The following NCKAP5 variants were observed in gnomAD, a reference collection of about 807,000 sequenced individuals.
The protein encoded by NCKAP5 is nck-associated protein 5.
NCKAP5 carries 92 observed loss-of-function variants against 167.0 expected under a neutral mutation model. The observed-to-expected ratio is 0.55, with a 90% CI of 0.47 to 0.66. The LOEUF (loss-of-function observed/expected upper bound fraction) is 0.66, where lower values mean the gene tolerates loss of function less well. Ranked by LOEUF, NCKAP5 falls within the 30% of genes least tolerant of loss-of-function variation. The pLI is 0.00. For missense variants in NCKAP5, 2,378 were observed against 2,315.0 expected (o/e 1.03, Z -0.56); for synonymous variants, 891 against 877.4 (o/e 1.02, Z -0.27).
intron 6 of NCKAP5, among the ~76,000 whole-genome samples, chr2:133,124,412 A>C (rs1312388707): frequency 6.6e-6 from 1 of 151,310 alleles, no homozygotes; most frequent in Non-Finnish European, 1.5e-5. Flanking sequence ...TATGTCCGCC[A>C]GGTGCTAAAT....
At position 132,895,167 on chromosome 2, in the gene NCKAP5, T is replaced by TA. The variant is rs375358162; in HGVS notation, c.580-16252dup. 6.1e-3 allele frequency among the ~76,000 whole-genome samples: 921 copies of TA among 151,618 alleles called. 63 individuals are homozygous for TA. In the East Asian group the frequency reaches 0.15, roughly 25 times the overall value. On this transcript the variant is annotated intron_variant, in intron 8 of 19. Coordinates refer to ENST00000409261, the MANE Select transcript of NCKAP5 (RefSeq NM_207363.3). ...TAACACGGTGAAACCCCGTCTCTAC[T>TA]AAAAATACAAAAAATTAGCCGGGCG... is the stretch of plus-strand genomic sequence containing the variant.
the NCKAP5 span, among the ~76,000 whole-genome samples, chr2:133,639,517 C>T: frequency 6.6e-6 from 1 of 152,124 alleles, no homozygotes; most frequent in African/African-American, 2.4e-5. Flanking sequence ...AGGTTTTAGG[C>T]AGCTTATGAT....
chr2:132,704,140 C>G (rs186700551), intron 19 of NCKAP5, among the ~76,000 whole-genome samples: 1 of 152,206 alleles, frequency 6.6e-6, no homozygotes, highest in Non-Finnish European at 1.5e-5. Context: ...GTAGTTCTAA[C>G]TGAAATTTGA....
intron 3 of NCKAP5, among the ~76,000 whole-genome samples, chr2:133,430,440 C>A (rs1690085292): frequency 1.3e-5 from 2 of 152,068 alleles, no homozygotes; most frequent in African/African-American, 4.8e-5. Flanking sequence ...ATCATAAATT[C>A]TTTGCCTAAG....
At chr2:133,493,948 G>A (rs1284668525) in intron 3 of NCKAP5, among the ~76,000 whole-genome samples, 1 of 152,180 alleles carries the variant, frequency 6.6e-6, no homozygotes, top group Non-Finnish European at 1.5e-5. Context: ...GAGGAAATTA[G>A]GCAAAGGGAG....
Position 133,200,715 on chromosome 2 carries a change from G to A in NCKAP5, c.207+13001C>T, listed in dbSNP as rs762417795. Among the ~76,000 whole-genome samples, 68 of 152,152 alleles carry A rather than the reference G, an allele frequency of 4.5e-4. 2 individuals carry two copies. The highest frequency in any genetic ancestry group is 6.3e-3 in the Middle Eastern group (2 of 316). The stretch of plus-strand genomic sequence containing the variant: ...AGAACATATTTGCCAATCATTTCTC[G>A]TAACAGACTGATACGTTTACAAAAA... On this transcript the variant is annotated intron_variant, in intron 5 of 19. Transcript: ENST00000409261.
rs1449836119 is a variant in NCKAP5 at position 132,783,735 on chromosome 2, A to T, written c.3076T>A (p.Ser1026Thr). Residue 1026 changes from serine to threonine, a missense_variant, in exon 14 of 20, where the codon TCC (serine) becomes ACC (threonine). Around this residue, in one of 3 missense-constraint regions of NCKAP5, gnomAD observed 1,325 missense variants for 1,274.5 expected, o/e 1.04. Coordinates refer to ENST00000409261, the MANE Select transcript of NCKAP5 (RefSeq NM_207363.3). ...IQTRCPAHAPSSSFTVMALGP... is the reference protein window; with the variant it reads ...IQTRCPAHAPTSSFTVMALGP... ...AGAGCCATTACGGTGAAGGAGCTGG[A>T]GGGGGCATGAGCAGGGCATCGGGTT... 6.2e-7 allele frequency: 1 copy of T among 1,608,750 alleles called. No homozygotes were observed. Among genetic ancestry groups the T allele is most frequent in the Non-Finnish European group, 8.5e-7 (1 of 1,177,580 alleles).
intron 4 of NCKAP5, among the ~76,000 whole-genome samples, chr2:133,290,546 T>C (rs1679505848): frequency 6.6e-6 from 1 of 152,182 alleles, no homozygotes; most frequent in African/African-American, 2.4e-5. Flanking sequence ...CACTTTATGA[T>C]TAAACATTTC....
chr2:133,527,914 A>T (rs1401557033), intron 2 of NCKAP5, among the ~76,000 whole-genome samples: 1 of 152,066 alleles, frequency 6.6e-6, no homozygotes, highest in Non-Finnish European at 1.5e-5. Context: ...AAAAATAAAA[A>T]ACTAGCCAGA....
Position 133,472,375 on chromosome 2 carries a change from T to A in NCKAP5, c.69+45083A>T, listed in dbSNP as rs188152739. The stretch of plus-strand genomic sequence containing the variant: ...CAAGAGCATCTTATGCTTCTAGACA[T>A]TACTGTGGCTTTAGATGCTTTTCAT... On this transcript the variant is annotated intron_variant, in intron 3 of 19. Transcript: ENST00000409261. Among the ~76,000 whole-genome samples the A allele has an allele frequency of 1.4e-4, 21 of 152,278 alleles. No individual in the cohort carries two copies. In the East Asian group the frequency reaches 4.0e-3, roughly 29 times the overall value.
Position 133,188,810 on chromosome 2 carries a change from T to C in NCKAP5, c.207+24906A>G, listed in dbSNP as rs2085071345. On this transcript the variant is annotated intron_variant, in intron 5 of 19. Transcript: ENST00000409261. ...GTGTGTAGAGGGAAATTTATAGCACTAAATGCCCACAAGAGAAAGCAGGAA... is the reference window on the plus strand; with the variant it reads ...GTGTGTAGAGGGAAATTTATAGCACCAAATGCCCACAAGAGAAAGCAGGAA... Among the ~76,000 whole-genome samples, 3 of 152,172 alleles carry C rather than the reference T, an allele frequency of 2.0e-5. No homozygotes were observed. In the East Asian group the frequency reaches 5.8e-4, roughly 29 times the overall value.
intron 11 of NCKAP5, among the ~76,000 whole-genome samples, chr2:132,806,402 G>A (rs2105234746): frequency 6.6e-6 from 1 of 152,192 alleles, no homozygotes; most frequent in Non-Finnish European, 1.5e-5. Flanking sequence ...CAGTGTAGAA[G>A]TGTTCCCTGT....
At chr2:133,666,311 C>G in the NCKAP5 span, among the ~76,000 whole-genome samples, 1 of 151,168 alleles carries the variant, frequency 6.6e-6, no homozygotes, top group East Asian at 1.9e-4. Flanking sequence ...GATTCTCCTG[C>G]CTCAGCCTCT....
intron 3 of NCKAP5, among the ~76,000 whole-genome samples, chr2:133,359,998 G>C (rs1684990265): frequency 6.6e-6 from 1 of 152,130 alleles, no homozygotes; most frequent in Admixed American, 6.5e-5. Context: ...TTGAACAACA[G>C]AAGGTAAATA....
chr2:132,969,705 C>A (rs2149229396), intron 7 of NCKAP5, among the ~76,000 whole-genome samples: 1 of 152,212 alleles, frequency 6.6e-6, no homozygotes, highest in Non-Finnish European at 1.5e-5. Flanking sequence ...TTTGAATGGT[C>A]CTGGGGTGCA....
rs1685301711 is a variant in NCKAP5, at chr2:133,530,834, A to C, written c.-61-13247T>G. Reference sequence around the variant, plus strand: ...TGAGAAGAAGCCCAGTCTAGCCCACAAGAGGGTGACAGCCACTGGAGGAGA... The same window carrying C: ...TGAGAAGAAGCCCAGTCTAGCCCACCAGAGGGTGACAGCCACTGGAGGAGA... On this transcript the variant is annotated intron_variant, in intron 2 of 19. Coordinates refer to ENST00000409261, the MANE Select transcript of NCKAP5 (RefSeq NM_207363.3). Among the ~76,000 whole-genome samples, 3 of 152,190 alleles carry C rather than the reference A, an allele frequency of 2.0e-5. No homozygotes were observed. The South Asian group carries it at 6.2e-4, about 31-fold the overall frequency.
intron 16 of NCKAP5, among the ~76,000 whole-genome samples, chr2:132,742,746 T>C (rs1007694690): frequency 1.3e-5 from 2 of 151,972 alleles, no homozygotes; most frequent in Non-Finnish European, 2.9e-5. Flanking sequence ...TAAAAAATAT[T>C]CATTTTAACA....
intron 3 of NCKAP5, among the ~76,000 whole-genome samples, chr2:133,460,053 T>C (rs1051947035): frequency 6.6e-6 from 1 of 152,114 alleles, no homozygotes; most frequent in Non-Finnish European, 1.5e-5. Context: ...AGAAAAAAGG[T>C]GCTATTTGTG....
chr2:133,647,376 A>AAGGAAGG, the NCKAP5 span, among the ~76,000 whole-genome samples: 666 of 82,516 alleles, frequency 8.1e-3, 31 homozygotes, highest in East Asian at 0.027. Flanking sequence ...AGGAAGAAAG[A>AAGGAAGG]AAGGAAGGAA....
Sources: allele counts gnomAD v4.1 joint callset (sites outside exome capture counted in the v4.1 genomes callset), GRCh38; gene constraint gnomAD v4.1.1; regional missense constraint gnomAD v4.1.1; transcripts MANE v1.5; gene names NCBI Gene and HGNC (gene_info 2026-07-23, HGNC 2026-07-21).